KCNQ1: variants seen among roughly 807,000 people sequenced by gnomAD.
KCNQ1 encodes potassium voltage-gated channel subfamily KQT member 1.
A neutral mutation model predicts 72.4 loss-of-function variants in KCNQ1; 49 were observed. The observed-to-expected ratio is 0.68, with a 90% confidence interval of 0.54 to 0.86. The LOEUF is 0.86. Among genes scored for constraint, KCNQ1 ranks in the 40% least tolerant of loss-of-function variants. The probability of loss-of-function intolerance (pLI) is 0.00; values close to 1 mark genes in which losing one functional copy is unlikely to be tolerated. For missense variants in KCNQ1, 790 were observed against 945.1 expected (o/e 0.84, Z 2.15); for synonymous variants, 450 against 412.6 (o/e 1.09, Z -1.10).
chr11:2,461,374 A>C (rs1375209644), intron 1 of KCNQ1: 2 of 1,216,570 alleles, frequency 1.6e-6, no homozygotes, highest in Non-Finnish European at 2.1e-6. Flanking sequence ...CGGGAAGGGA[A>C]CCTTGAGTGT....
At chr11:2,839,956 C>G (rs753234654) in intron 15 of KCNQ1, 1 of 152,156 alleles carries the variant, frequency 6.6e-6, no homozygotes, top group Non-Finnish European at 1.5e-5. Flanking sequence ...TCTGCGTAGA[C>G]GCCAAAGTAC....
chr11:2,772,565 C>A lies in KCNQ1; in HGVS notation c.1591-3395C>A. Among the ~76,000 whole-genome samples the A allele has an allele frequency of 6.6e-6, 1 of 152,142 alleles. No homozygotes were observed. The highest frequency in any genetic ancestry group is 1.9e-4 in the East Asian group (1 of 5,180). ...GGATAAGTCTCTGTGGGCTGGGATG[C>A]CACCGGGCCGTGGGTCCTCATGGTC... On this transcript the variant is annotated intron_variant, in intron 12 of 15. Coordinates refer to ENST00000155840, the MANE Select transcript of KCNQ1 (RefSeq NM_000218.3). The surrounding 1 kb of genome is among the most constrained non-coding windows in gnomAD (Gnocchi z 6.6).
At position 2,803,861 on chromosome 11, in the gene KCNQ1, C is replaced by T. The variant is rs1847322189; in HGVS notation, c.1794+25824C>T. Among the ~76,000 whole-genome samples the T allele has an allele frequency of 6.6e-6, 1 of 152,136 alleles. No homozygotes were observed. The highest frequency in any genetic ancestry group is 1.5e-5 in the Non-Finnish European group (1 of 68,016). The stretch of plus-strand genomic sequence containing the variant: ...CCCAGGGTCAGCTTTTATGCACACT[C>T]AGGTACTCAGGACACCCCACACCAG... On this transcript the variant is annotated intron_variant, in intron 15 of 15. Transcript: ENST00000155840. The surrounding 1 kb of genome is among the most constrained non-coding windows in gnomAD (Gnocchi z 6.4).
intron 11 of KCNQ1, among the ~76,000 whole-genome samples, chr11:2,721,324 G>A (rs1050390513): frequency 4.6e-5 from 7 of 152,174 alleles, no homozygotes; most frequent in African/African-American, 1.4e-4. Flanking sequence ...AGGGACCCCC[G>A]GGCCTCTGCA....
chr11:2,831,597 C>T (rs1847951348), intron 15 of KCNQ1, among the ~76,000 whole-genome samples: 2 of 151,976 alleles, frequency 1.3e-5, no homozygotes, highest in East Asian at 1.9e-4. Context: ...TGGCCACAAC[C>T]ATAGTGTCCC....
intron 1 of KCNQ1, among the ~76,000 whole-genome samples, chr11:2,452,078 G>A (rs182352434): frequency 6.6e-6 from 1 of 152,304 alleles, no homozygotes; most frequent in Admixed American, 6.5e-5. Flanking sequence ...GGTGAGCTAC[G>A]GCTGCCCTCA....
chr11:2,690,891 T>C lies in KCNQ1; in HGVS notation c.1514+28810T>C, dbSNP rs1212412234. On this transcript the variant is annotated intron_variant, in intron 11 of 15. Coordinates refer to ENST00000155840, the MANE Select transcript of KCNQ1 (RefSeq NM_000218.3). The surrounding 1 kb of genome is among the most constrained non-coding windows in gnomAD (Gnocchi z 5.1). ...ACAGGAGTGTAAGCCACTGTTTCCGTCTGGGTTTTGTCATGTGTAGGTCCC... is the reference window on the plus strand; with the variant it reads ...ACAGGAGTGTAAGCCACTGTTTCCGCCTGGGTTTTGTCATGTGTAGGTCCC... 2 of 398,506 alleles carry C rather than the reference T, an allele frequency of 5.0e-6. No individual in the cohort carries two copies. The highest frequency in any genetic ancestry group is 3.6e-5 in the East Asian group (1 of 28,082). 24.7% of individuals were successfully genotyped at this position (398,506 alleles called of 1,614,324 possible).
chr11:2,661,793 A>G lies in KCNQ1; in HGVS notation c.1394-168A>G. The G allele has an allele frequency of 1.3e-6, 1 of 767,222 alleles. No individual in the cohort carries two copies. Among genetic ancestry groups the G allele is most frequent in the Non-Finnish European group, 2.2e-6 (1 of 457,278 alleles). The allele number at this position is 767,222 out of a possible 1,614,324, so 47.5% of individuals were successfully genotyped here. A position where few individuals can be genotyped will look rare whatever the true frequency, so the allele number is the denominator to read the frequency against. ...GTGTCAGGCACTTTGGGGCCATCTT[A>G]AACACCCACCCACCCCAACACCCAA... On this transcript the variant is annotated intron_variant, in intron 10 of 15. Coordinates refer to ENST00000155840, the MANE Select transcript of KCNQ1 (RefSeq NM_000218.3). This position sits in a 1 kb window ranked among gnomAD's most constrained non-coding sequence, Gnocchi z 5.9.
chr11:2,624,823 G>A lies in KCNQ1; in HGVS notation c.1393+35969G>A, dbSNP rs1246598238. ...TGACTATTCTACATACCTCATATAA[G>A]TGGAAACATACAGTACTTCTCTTCT... On this transcript the variant is annotated intron_variant, in intron 10 of 15. Coordinates refer to ENST00000155840, the MANE Select transcript of KCNQ1 (RefSeq NM_000218.3). The surrounding 1 kb of genome is among the most constrained non-coding windows in gnomAD (Gnocchi z 4.9). The A allele has an allele frequency of 2.5e-6, 1 of 398,332 alleles. No individual in the cohort carries two copies. The highest frequency in any genetic ancestry group is 4.4e-6 in the Non-Finnish European group (1 of 226,030). The allele number at this position is 398,332 out of a possible 1,614,324, so 24.7% of individuals were successfully genotyped here.
intron 12 of KCNQ1, 150 bp from the exon 13 acceptor site, chr11:2,775,810 C>T (rs1350751747): frequency 1.2e-5 from 9 of 776,414 alleles, no homozygotes; most frequent in East Asian, 5.3e-5. Flanking sequence ...CTACTGTGCA[C>T]GCTTGGAACC....
At chr11:2,635,188 A>G (rs1849441193) in intron 10 of KCNQ1, 1 of 152,164 alleles carries the variant, frequency 6.6e-6, no homozygotes, top group Admixed American at 6.5e-5. Context: ...TAGTTTAATT[A>G]GATCCCATTT....
At position 2,603,606 on chromosome 11, in the gene KCNQ1, T is replaced by C. The variant is rs911579724; in HGVS notation, c.1393+14752T>C. Among the ~76,000 whole-genome samples the C allele has an allele frequency of 6.6e-6, 1 of 152,186 alleles. No individual in the cohort carries two copies. The highest frequency in any genetic ancestry group is 1.5e-5 in the Non-Finnish European group (1 of 68,030). ...ATGGGTTTGCCTATTCTGGACATTTTATATAAGTGGAATCATACAATGTAT... is the reference window on the plus strand; with the variant it reads ...ATGGGTTTGCCTATTCTGGACATTTCATATAAGTGGAATCATACAATGTAT... On this transcript the variant is annotated intron_variant, in intron 10 of 15. Coordinates refer to ENST00000155840, the MANE Select transcript of KCNQ1 (RefSeq NM_000218.3). This position sits in a 1 kb window ranked among gnomAD's most constrained non-coding sequence, Gnocchi z 4.1.
chr11:2,733,862 C>CTCT (rs1318130357), intron 11 of KCNQ1, among the ~76,000 whole-genome samples: 1 of 48,296 alleles, frequency 2.1e-5, no homozygotes, highest in African/African-American at 1.1e-4. Flanking sequence ...TCTCTCCCCC[C>CTCT]CCACTTCAGG....
At chr11:2,662,540 C>T in intron 11 of KCNQ1, 1 of 428,356 alleles carries the variant, frequency 2.3e-6, no homozygotes, top group Non-Finnish European at 4.1e-6. Context: ...TTTTCCACGC[C>T]TTCCAGTTGG....
chr11:2,513,044 C>T (rs1375875809), intron 1 of KCNQ1, among the ~76,000 whole-genome samples: 1 of 152,146 alleles, frequency 6.6e-6, no homozygotes, highest in Admixed American at 6.5e-5. Context: ...CCGGCCTGCT[C>T]ACTGGGAAGA....
chr11:2,823,697 G>A (rs1847784893), intron 15 of KCNQ1, among the ~76,000 whole-genome samples: 1 of 152,238 alleles, frequency 6.6e-6, no homozygotes, highest in Non-Finnish European at 1.5e-5. Flanking sequence ...AAACAGCGGA[G>A]GATCTCCCTG....
intron 6 of KCNQ1, among the ~76,000 whole-genome samples, chr11:2,574,164 A>C (rs1186258023): frequency 1.3e-5 from 2 of 152,160 alleles, no homozygotes; most frequent in African/African-American, 4.8e-5. Context: ...ATCTCCCCCC[A>C]CAGCTGCAGG....
At chr11:2,693,605 G>A in intron 11 of KCNQ1, 1 of 398,674 alleles carries the variant, frequency 2.5e-6, no homozygotes. Context: ...CATTTAAATT[G>A]CAAACAAGAG....
At chr11:2,728,702 C>T (rs907639201) in intron 11 of KCNQ1, among the ~76,000 whole-genome samples, 1 of 152,160 alleles carries the variant, frequency 6.6e-6, no homozygotes, top group East Asian at 1.9e-4. Context: ...CCCAGAGTGC[C>T]AGGGGGACAG....
Sources: allele counts gnomAD v4.1 joint callset (sites outside exome capture counted in the v4.1 genomes callset), GRCh38; gene constraint gnomAD v4.1.1; non-coding constraint Gnocchi (gnomAD v3.1); transcripts MANE v1.5; gene names NCBI Gene and HGNC (gene_info 2026-07-23, HGNC 2026-07-21).